Variants in AK1 observed in about 807,000 individuals in gnomAD.
AK1 encodes adenylate kinase 1.
In AK1, 13 loss-of-function variants were observed where a neutral mutation model predicts 23.9. That is an observed-to-expected ratio of 0.54 (90% confidence interval 0.35 to 0.86). AK1 has a LOEUF of 0.86. AK1 is among the 40% of genes least tolerant of loss of function. The pLI is 0.01. For missense variants in AK1, 214 were observed against 255.1 expected (o/e 0.84, Z 1.10); for synonymous variants, 97 against 102.8 (o/e 0.94, Z 0.34).
intron 2 of AK1, chr9:127,873,409 C>G: frequency 1.9e-6 from 3 of 1,581,718 alleles, no homozygotes; most frequent in Non-Finnish European, 1.7e-6. Flanking sequence ...GCTCTCAGAT[C>G]GTCTTCTCTG....
rs1185059893 is a variant in AK1 at position 127,866,866 on chromosome 9, T to TGACCTTGAGGTGGGGGTGA, written c.*1123_*1141dup. On this transcript the variant is annotated 3_prime_UTR_variant, in exon 7 of 7. Coordinates refer to ENST00000644144, the MANE Select transcript of AK1 (RefSeq NM_000476.3). ...CTCCTCACTCAGTGTGTTCTCATCC[T>TGACCTTGAGGTGGGGGTGA]GACCTTGAGGTGGGGGTGAGGGGGA... 1 of 152,312 alleles carries TGACCTTGAGGTGGGGGTGA rather than the reference T, an allele frequency of 6.6e-6. No individual in the cohort carries two copies. The highest frequency in any genetic ancestry group is 2.4e-5 in the African/African-American group (1 of 41,448). 9.4% of individuals were successfully genotyped at this position (152,312 alleles called of 1,614,324 possible). A position where few individuals can be genotyped will look rare whatever the true frequency, so the allele number is the denominator to read the frequency against.
chr9:127,874,083 A>G lies in AK1; in HGVS notation c.7+528T>C, dbSNP rs557252451. On this transcript the variant is annotated intron_variant, in intron 2 of 6. Transcript: ENST00000644144. ...GCAGCAGGCCCGCTGGGTGTCTTTAAGAGCTGCCCAGGCCAAGGCACAGTG... is the reference window on the plus strand; with the variant it reads ...GCAGCAGGCCCGCTGGGTGTCTTTAGGAGCTGCCCAGGCCAAGGCACAGTG... 8.1e-6 allele frequency: 8 copies of G among 985,458 alleles called. No homozygotes were observed. The East Asian group carries it at 9.1e-4, about 112-fold the overall frequency. The allele number at this position is 985,458 out of a possible 1,614,324, so 61.0% of individuals were successfully genotyped here. A position where few individuals can be genotyped will look rare whatever the true frequency, so the allele number is the denominator to read the frequency against.
In AK1 at chr9:127,868,369, G is replaced by T; in HGVS notation, c.468C>A (p.Ala156=). Residue 156 remains alanine, a synonymous_variant, in exon 6 of 7, where the codon GCC becomes GCA. Coordinates refer to ENST00000644144, the MANE Select transcript of AK1 (RefSeq NM_000476.3). This position sits in a 1 kb window ranked among gnomAD's most constrained non-coding sequence, Gnocchi z 4.1. ...CATAGAAGGCGATGACAGGTTCTGT[G>T]GCCTTGTAATAGGTCTCCAGCCGCT... ...IKKRLETYYK[A]TEPVIAFYEK... 6.2e-7 allele frequency: 1 copy of T among 1,611,068 alleles called. No individual in the cohort carries two copies. Among genetic ancestry groups the T allele is most frequent in the Non-Finnish European group, 8.5e-7 (1 of 1,178,908 alleles).
At chr9:127,875,863 T>G (rs891723851) in intron 1 of AK1, among the ~76,000 whole-genome samples, 2 of 152,166 alleles carry the variant, frequency 1.3e-5, no homozygotes, top group African/African-American at 4.8e-5. Context: ...CTATGTCCTG[T>G]GCTAAGTAAG....
At position 127,867,753 on chromosome 9, in the gene AK1, T is replaced by G. The variant is rs1588611175; in HGVS notation, c.*255A>C. 3 of 470,588 alleles carry G rather than the reference T, an allele frequency of 6.4e-6. No homozygotes were observed. The highest frequency in any genetic ancestry group is 4.4e-5 in the South Asian group (2 of 45,004). The allele number at this position is 470,588 out of a possible 1,614,324, so 29.2% of individuals were successfully genotyped here. A position where few individuals can be genotyped will look rare whatever the true frequency, so the allele number is the denominator to read the frequency against. On this transcript the variant is annotated 3_prime_UTR_variant, in exon 7 of 7. Coordinates refer to ENST00000644144, the MANE Select transcript of AK1 (RefSeq NM_000476.3). ...AGGGAGGCTGAGGAGGAACGGAGGGTTGAGGGGCTGGGGACTTGCGGCCAG... is the reference window on the plus strand; with the variant it reads ...AGGGAGGCTGAGGAGGAACGGAGGGGTGAGGGGCTGGGGACTTGCGGCCAG...
chr9:127,868,535 A>C lies in AK1; in HGVS notation c.325-23T>G. 1 of 1,561,792 alleles carries C rather than the reference A, an allele frequency of 6.4e-7. No homozygotes were observed. Among genetic ancestry groups the C allele is most frequent in the African/African-American group, 1.4e-5 (1 of 73,742 alleles). On this transcript the variant is annotated intron_variant, in intron 5 of 6. Coordinates refer to ENST00000644144, the MANE Select transcript of AK1 (RefSeq NM_000476.3). This position sits in a 1 kb window ranked among gnomAD's most constrained non-coding sequence, Gnocchi z 4.1. ...AATCTGCAGGCGGGCACCATGTCAC[A>C]GGGACCCCATTCCTGCCCCCTAGGG...
intron 1 of AK1, among the ~76,000 whole-genome samples, chr9:127,876,742 C>T (rs963610186): frequency 1.4e-5 from 2 of 144,844 alleles, no homozygotes; most frequent in African/African-American, 5.0e-5. Context: ...TAACTTGGGT[C>T]GTGAGGAGGC....
At chr9:127,870,524 A>AT (rs1400788615) in intron 5 of AK1, among the ~76,000 whole-genome samples, 1 of 152,044 alleles carries the variant, frequency 6.6e-6, no homozygotes, top group Non-Finnish European at 1.5e-5. Flanking sequence ...TATTTTCTAG[A>AT]TGTGGCCCTG....
At chr9:127,873,431 C>T (rs369103462) in intron 2 of AK1, 13 of 1,556,550 alleles carry the variant, frequency 8.4e-6, no homozygotes, top group Non-Finnish European at 1.1e-5. Context: ...GGGGGTCACT[C>T]GAGGAGCAGC....
rs1259988016 is a variant in AK1, at chr9:127,873,078, G to A, written c.8-17C>T. ...TCAGCTTCTCTGCGGGAGAGAAAAG[G>A]GGAGCAGGGCTCAGTCACTCGCTGG... On this transcript the variant is annotated splice_polypyrimidine_tract_variant and intron_variant, in intron 2 of 6. Coordinates refer to ENST00000644144, the MANE Select transcript of AK1 (RefSeq NM_000476.3). 1 of 1,612,956 alleles carries A rather than the reference G, an allele frequency of 6.2e-7. No homozygotes were observed. The highest frequency in any genetic ancestry group is 1.7e-5 in the Admixed American group (1 of 59,886).
At chr9:127,874,336 G>A in intron 2 of AK1, 2 of 985,400 alleles carry the variant, frequency 2.0e-6, no homozygotes, top group Non-Finnish European at 2.4e-6. Flanking sequence ...GCCTCTCCAT[G>A]GGGCAGGGTC....
chr9:127,872,488 G>T (rs151266836), intron 4 of AK1, among the ~76,000 whole-genome samples: 3 of 152,066 alleles, frequency 2.0e-5, no homozygotes, highest in Non-Finnish European at 4.4e-5. Flanking sequence ...GGAGAGAGTT[G>T]GGGGCAGGGC....
At chr9:127,875,739 A>G (rs541826426) in intron 1 of AK1, among the ~76,000 whole-genome samples, 1 of 149,870 alleles carries the variant, frequency 6.7e-6, no homozygotes, top group East Asian at 2.0e-4. Flanking sequence ...CCAGGCCCCT[A>G]TGGCCAAGCC....
upstream of AK1, chr9:127,877,835 A>AC (rs1165546476): frequency 1.3e-5 from 2 of 151,590 alleles, no homozygotes; most frequent in African/African-American, 4.9e-5. This position sits in a 1 kb window ranked among gnomAD's most constrained non-coding sequence, Gnocchi z 5.2. Flanking sequence ...GCGCGGCGAC[A>AC]CCGCACCCGG....
Position 127,867,172 on chromosome 9 carries a change from G to T in AK1, c.*836C>A, listed in dbSNP as rs953413508. On this transcript the variant is annotated 3_prime_UTR_variant, in exon 7 of 7. Coordinates refer to ENST00000644144, the MANE Select transcript of AK1 (RefSeq NM_000476.3). ...AATACAGGCACATGCCACCATGCCC[G>T]GCTAATTTTTGTATTTTTAGTAAAT... 2.0e-5 allele frequency: 3 copies of T among 152,050 alleles called. No homozygotes were observed. 9.4% of individuals were successfully genotyped at this position (152,050 alleles called of 1,614,324 possible).
chr9:127,869,456 T>C (rs1046498218), intron 5 of AK1: 41 of 152,686 alleles, frequency 2.7e-4, no homozygotes, highest in Non-Finnish European at 5.1e-4. Context: ...CCAAGAGGCT[T>C]GTCCAAGGCC....
chr9:127,873,189 G>A (rs1829458472), intron 2 of AK1, 128 bp from the exon 3 acceptor site: 1 of 1,541,930 alleles, frequency 6.5e-7, no homozygotes, highest in Admixed American at 2.0e-5. Flanking sequence ...TCCTGTCAGG[G>A]AGGCAGACAA....
chr9:127,874,278 C>G, intron 2 of AK1: 1 of 985,406 alleles, frequency 1.0e-6, no homozygotes, highest in Non-Finnish European at 1.2e-6. Context: ...CGGAGAGGTA[C>G]GGGGAATTGC....
chr9:127,873,994 G>A (rs1364478419), intron 2 of AK1: 27 of 985,332 alleles, frequency 2.7e-5, no homozygotes, highest in Middle Eastern at 1.0e-3. Context: ...TATCCCGGGG[G>A]TGCAGTGGCC....
Sources: gnomAD v4.1 joint callset for allele counts (sites outside exome capture counted in the v4.1 genomes callset) on GRCh38, gnomAD v4.1.1 for gene constraint, Gnocchi (gnomAD v3.1) non-coding constraint, MANE v1.5 for transcripts, NCBI Gene and HGNC (gene_info 2026-07-23, HGNC 2026-07-21) for gene names.